Variants in EPC2 observed in about 807,000 individuals in gnomAD.
EPC2 encodes the protein enhancer of polycomb homolog 2.
EPC2 carries 14 observed loss-of-function variants against 92.1 expected under a neutral mutation model. The ratio of observed to expected loss-of-function variants is 0.15; its 90% confidence interval spans 0.10 to 0.24. EPC2 has a LOEUF of 0.24. Among genes scored for constraint, EPC2 ranks in the 10% least tolerant of loss-of-function variants. EPC2 has a pLI of 1.00. For missense variants in EPC2, 755 were observed against 971.5 expected, an observed-to-expected ratio of 0.78 and a Z score of 2.96; for synonymous variants, 340 against 334.7, an observed-to-expected ratio of 1.02 and a Z score of -0.17.
At chr2:148,667,960 A>G (rs1461729380) in intron 1 of EPC2, among the ~76,000 whole-genome samples, 1 of 152,076 alleles carries the variant, frequency 6.6e-6, no homozygotes, top group African/African-American at 2.4e-5. Context: ...GTGCAGTGGC[A>G]TGATCTCGGC....
chr2:148,754,011 C>T lies in EPC2; in HGVS notation c.544C>T (p.Arg182Cys), dbSNP rs766298299. Residue 182 changes from arginine to cysteine, a missense_variant, in exon 4 of 14, where the codon CGT becomes TGT. Arg to Cys is a radical substitution (Grantham distance 180, BLOSUM62 -3). Around this residue, in one of 4 missense-constraint regions of EPC2, gnomAD observed 509 missense variants for 607.7 expected, o/e 0.84. Coordinates refer to ENST00000258484, the MANE Select transcript of EPC2 (RefSeq NM_015630.4). Reference protein sequence around the residue: ...KAVYDYWVRKRKNCRGPSLIP... With the variant: ...KAVYDYWVRKCKNCRGPSLIP... ...TGTATATGACTACTGGGTGAGAAAA[C>T]GTAAAAACTGCAGGGGGCCATCCCT... is the stretch of plus-strand genomic sequence containing the variant. 5.0e-6 allele frequency: 8 copies of T among 1,611,668 alleles called. No homozygotes were observed. In the East Asian group the frequency reaches 6.7e-5, roughly 13 times the overall value.
intron 2 of EPC2, among the ~76,000 whole-genome samples, chr2:148,704,208 T>C (rs983822851): frequency 2.6e-5 from 4 of 152,206 alleles, no homozygotes; most frequent in African/African-American, 9.7e-5. Flanking sequence ...TGAATATTAT[T>C]GAGCCTTAAA....
chr2:148,656,835 TG>T (rs1680811735), intron 1 of EPC2, among the ~76,000 whole-genome samples: 2 of 152,308 alleles, frequency 1.3e-5, no homozygotes, highest in South Asian at 4.1e-4. Flanking sequence ...GGTGTTAATG[TG>T]GAAAATGAAA....
At chr2:148,778,745 A>G (rs1309701894) in intron 10 of EPC2, among the ~76,000 whole-genome samples, 1 of 152,166 alleles carries the variant, frequency 6.6e-6, no homozygotes, top group Non-Finnish European at 1.5e-5. Context: ...AAGTAATAAT[A>G]AACAGTGCTC....
intron 1 of EPC2, among the ~76,000 whole-genome samples, chr2:148,650,893 A>G (rs560210485): frequency 6.6e-6 from 1 of 152,298 alleles, no homozygotes; most frequent in African/African-American, 2.4e-5. Flanking sequence ...TCTGTATAGG[A>G]AAAGTATGTG....
At chr2:148,662,756 G>A (rs535153938) in intron 1 of EPC2, among the ~76,000 whole-genome samples, 14 of 151,820 alleles carry the variant, frequency 9.2e-5, no homozygotes, top group Middle Eastern at 3.4e-3. Flanking sequence ...AACATGGCAC[G>A]TACATACATA....
intron 2 of EPC2, among the ~76,000 whole-genome samples, chr2:148,702,994 T>TC (rs1435088416): frequency 6.6e-6 from 1 of 152,206 alleles, no homozygotes; most frequent in Non-Finnish European, 1.5e-5. Flanking sequence ...GTATCATACT[T>TC]CCTGATATTA....
intron 3 of EPC2, among the ~76,000 whole-genome samples, chr2:148,747,115 T>C (rs1682999603): frequency 6.6e-6 from 1 of 152,108 alleles, no homozygotes; most frequent in African/African-American, 2.4e-5. Flanking sequence ...ATAACCCTTA[T>C]CTCATTCCTA....
At chr2:148,727,950 A>T (rs1682529953) in intron 2 of EPC2, among the ~76,000 whole-genome samples, 2 of 152,168 alleles carry the variant, frequency 1.3e-5, no homozygotes, top group African/African-American at 4.8e-5. Flanking sequence ...AAGTTCATGT[A>T]TTCTTTTAGG....
intron 2 of EPC2, among the ~76,000 whole-genome samples, chr2:148,704,110 G>A (rs34884664): frequency 0.14 from 21,240 of 152,190 alleles, 2,431 homozygotes; most frequent in East Asian, 0.46. Context: ...GTTCATAGCA[G>A]CATTATTCAC....
rs1683878114 is a variant in EPC2 at position 148,786,894 on chromosome 2, T to C, written c.*517T>C. On this transcript the variant is annotated 3_prime_UTR_variant, in exon 14 of 14. Transcript: ENST00000258484. ...TCACAATTTGACTAGATGGACTTTT[T>C]GGTAAATACTTTAGTGGCATTTCAC... 6.5e-6 allele frequency: 1 copy of C among 153,222 alleles called. No homozygotes were observed. The highest frequency in any genetic ancestry group is 2.4e-5 in the African/African-American group (1 of 41,468). The allele number at this position is 153,222 out of a possible 1,614,324, so 9.5% of individuals were successfully genotyped here. A position where few individuals can be genotyped will look rare whatever the true frequency, so the allele number is the denominator to read the frequency against.
chr2:148,682,257 G>A (rs927433394), intron 1 of EPC2, among the ~76,000 whole-genome samples: 1 of 152,116 alleles, frequency 6.6e-6, no homozygotes, highest in Admixed American at 6.6e-5. Context: ...TTGCTGGGTC[G>A]AATGGTATTT....
chr2:148,676,637 G>A (rs918513895), intron 1 of EPC2, among the ~76,000 whole-genome samples: 31 of 151,148 alleles, frequency 2.1e-4, no homozygotes, highest in African/African-American at 7.3e-4. Flanking sequence ...TAACCTGCTT[G>A]TTTACTTCAT....
At chr2:148,733,173 T>C (rs1374794520) in intron 2 of EPC2, among the ~76,000 whole-genome samples, 1 of 151,886 alleles carries the variant, frequency 6.6e-6, no homozygotes, top group African/African-American at 2.4e-5. Flanking sequence ...CATAAGATTG[T>C]TTTCTCTGTA....
chr2:148,786,461 TCA>T lies in EPC2; in HGVS notation c.*87_*88del, dbSNP rs1346489318. The T allele has an allele frequency of 9.5e-6, 10 of 1,049,944 alleles. No individual in the cohort carries two copies. Among genetic ancestry groups the T allele is most frequent in the African/African-American group, 4.7e-5 (3 of 63,434 alleles). The allele number at this position is 1,049,944 out of a possible 1,614,324, so 65.0% of individuals were successfully genotyped here. ...AATGCAAAAGGCAACACTCTGTGGATCACAGAGTGTAACAATGGACCTAAATG... is the reference window on the plus strand; with the variant it reads ...AATGCAAAAGGCAACACTCTGTGGATCAGAGTGTAACAATGGACCTAAATG... On this transcript the variant is annotated 3_prime_UTR_variant, in exon 14 of 14. Transcript: ENST00000258484.
chr2:148,691,129 T>C (rs1681637034), intron 2 of EPC2, among the ~76,000 whole-genome samples: 1 of 152,220 alleles, frequency 6.6e-6, no homozygotes, highest in Non-Finnish European at 1.5e-5. Context: ...AGTATTTAAA[T>C]GATCACCACC....
intron 2 of EPC2, among the ~76,000 whole-genome samples, chr2:148,734,668 T>C (rs2076433788): frequency 6.6e-6 from 1 of 152,110 alleles, no homozygotes. Flanking sequence ...TCTACAAGAA[T>C]CTTTGGAGAT....
chr2:148,710,433 C>A (rs1682113420), intron 2 of EPC2, among the ~76,000 whole-genome samples: 1 of 152,228 alleles, frequency 6.6e-6, no homozygotes, highest in Admixed American at 6.5e-5. Context: ...TTGTGGAAGA[C>A]AGTGTGGCAA....
rs201127665 is a variant in EPC2 at position 148,761,868 on chromosome 2, T to A, written c.753T>A (p.Ile251=). 120 of 1,596,706 alleles carry A rather than the reference T, an allele frequency of 7.5e-5. 1 individual carries two copies. In the African/African-American group the frequency reaches 1.4e-3, roughly 18 times the overall value. ...FSRAITILEM[I]KRREKTKREL... ...GAGCCATAACAATTTTGGAAATGAT[T>A]AAGAGAAGAGAGAAAACAAAACGAG... Residue 251 remains isoleucine, a synonymous_variant, in exon 5 of 14, where the codon ATT becomes ATA. Coordinates refer to ENST00000258484, the MANE Select transcript of EPC2 (RefSeq NM_015630.4).
Sources: gnomAD v4.1 joint callset for allele counts (sites outside exome capture counted in the v4.1 genomes callset) on GRCh38, gnomAD v4.1.1 for gene constraint, gnomAD v4.1.1 regional missense constraint, MANE v1.5 for transcripts, NCBI Gene and HGNC (gene_info 2026-07-23, HGNC 2026-07-21) for gene names.